The following RAB14 variants were observed in gnomAD, a reference collection of about 807,000 sequenced individuals.
RAB14 encodes RAB14, member RAS oncogene family.
RAB14 carries 3 observed loss-of-function variants against 31.1 expected under a neutral mutation model. That is an observed-to-expected ratio of 0.10 (90% CI 0.04 to 0.25). RAB14 has a LOEUF of 0.25. Ranked by LOEUF, RAB14 falls within the 10% of genes least tolerant of loss-of-function variation. The pLI is 1.00. For missense variants in RAB14, 111 were observed against 260.1 expected (o/e 0.43, Z 3.94); for synonymous variants, 85 against 84.9 (o/e 1.00, Z 0.00).
At chr9:121,185,700 C>T (rs558700713) in intron 5 of RAB14, among the ~76,000 whole-genome samples, 27 of 152,176 alleles carry the variant, frequency 1.8e-4, no homozygotes, top group South Asian at 4.2e-4. Flanking sequence ...GTATGATGCC[C>T]TTGAGAACCA....
chr9:121,200,343 C>T (rs1314905655), intron 1 of RAB14, among the ~76,000 whole-genome samples: 1 of 152,192 alleles, frequency 6.6e-6, no homozygotes, highest in Non-Finnish European at 1.5e-5. Context: ...TGTTCCTCTA[C>T]AATATTTACC....
chr9:121,184,163 C>A (rs2053647805), intron 5 of RAB14, among the ~76,000 whole-genome samples: 1 of 152,130 alleles, frequency 6.6e-6, no homozygotes, highest in Non-Finnish European at 1.5e-5. Flanking sequence ...CCCACACTAT[C>A]CCTAGAAAGG....
At position 121,190,470 on chromosome 9, in the gene RAB14, T is replaced by C. The variant is rs918810957; in HGVS notation, c.284+84A>G. 100 of 1,278,106 alleles carry C rather than the reference T, an allele frequency of 7.8e-5. 1 individual carries two copies. The highest frequency in any genetic ancestry group is 5.6e-4 in the South Asian group (33 of 59,210). 79.2% of individuals were successfully genotyped at this position (1,278,106 alleles called of 1,614,324 possible). On this transcript the variant is annotated intron_variant, in intron 4 of 7. Transcript: ENST00000373840. ...CATTCACAGTCATACAATTACAAAC[T>C]AAAAAAAATGCCTATCAATTTTTTT...
chr9:121,196,698 T>C (rs1215275795), intron 1 of RAB14, among the ~76,000 whole-genome samples: 1 of 152,170 alleles, frequency 6.6e-6, no homozygotes, highest in African/African-American at 2.4e-5. Context: ...CAGTATTCAC[T>C]CGCTTAATTA....
chr9:121,181,474 T>C lies in RAB14; in HGVS notation c.570A>G (p.Val190=), dbSNP rs1403408627. 5.0e-6 allele frequency: 8 copies of C among 1,613,502 alleles called. No individual in the cohort carries two copies. The African/African-American group carries it at 9.3e-5, about 19-fold the overall frequency. The change falls in exon 8 of 8, where the codon GTA becomes GTG. Residue 190 remains valine (V), a synonymous_variant. Coordinates refer to ENST00000373840, the MANE Select transcript of RAB14 (RefSeq NM_016322.4). ...CCTGCGGGGCTGAAGGTTTGTGTTG[T>C]ACACCAGACTCAGCAGCATTCAGAT... ...SLDLNAAESG[V]QHKPSAPQGG...
intron 3 of RAB14, 32 bp downstream of exon 3, chr9:121,192,138 AC>A (rs747520469): frequency 7.0e-7 from 1 of 1,432,468 alleles, no homozygotes; most frequent in Non-Finnish European, 9.5e-7. Context: ...GATAAAGAAA[AC>A]TATTAATGTT....
At chr9:121,194,096 A>ACT (rs1201638135) in intron 1 of RAB14, among the ~76,000 whole-genome samples, 1 of 59,260 alleles carries the variant, frequency 1.7e-5, no homozygotes, top group African/African-American at 3.4e-5. Context: ...ATTATCACTC[A>ACT]CACACACACA....
intron 5 of RAB14, among the ~76,000 whole-genome samples, chr9:121,183,871 T>C (rs1290735860): frequency 6.6e-6 from 1 of 152,292 alleles, no homozygotes; most frequent in South Asian, 2.1e-4. Flanking sequence ...ATGGACAAGC[T>C]CCAGGGGATC....
chr9:121,187,094 T>C, intron 4 of RAB14, 75 bp from the exon 5 acceptor site: 2 of 841,894 alleles, frequency 2.4e-6, no homozygotes, highest in East Asian at 6.1e-5. Context: ...AAAATACATA[T>C]TTAATCAACA....
In RAB14 at chr9:121,179,649, T is replaced by A. The variant is rs1564317537; in HGVS notation, c.*1747A>T. 2.0e-5 allele frequency: 3 copies of A among 152,646 alleles called. No homozygotes were observed. Among genetic ancestry groups the A allele is most frequent in the South Asian group, 2.1e-4 (1 of 4,824 alleles). 9.5% of individuals were successfully genotyped at this position (152,646 alleles called of 1,614,324 possible). On this transcript the variant is annotated 3_prime_UTR_variant, in exon 8 of 8. Transcript: ENST00000373840. ...AATCTACTCCAGAAATCTTATTTTT[T>A]AAAAAGTTAAACAAAGACAAAAATA...
chr9:121,187,861 C>T (rs1439279219), intron 4 of RAB14, among the ~76,000 whole-genome samples: 1 of 151,958 alleles, frequency 6.6e-6, no homozygotes, highest in South Asian at 2.1e-4. Context: ...CTATCTTACT[C>T]GTTTAACATG....
chr9:121,190,749 A>G lies in RAB14; in HGVS notation c.107-18T>C. 1 of 1,609,864 alleles carries G rather than the reference A, an allele frequency of 6.2e-7. No individual in the cohort carries two copies. Among genetic ancestry groups the G allele is most frequent in the East Asian group, 2.2e-5 (1 of 44,846 alleles). On this transcript the variant is annotated intron_variant, in intron 3 of 7. Coordinates refer to ENST00000373840, the MANE Select transcript of RAB14 (RefSeq NM_016322.4). ...AGCCATAACTGTTAAGGAGGAAAAA[A>G]AGTAATAGCCCAATTTTCAGAAAAC...
At chr9:121,196,973 G>C (rs1045679703) in intron 1 of RAB14, among the ~76,000 whole-genome samples, 5 of 152,110 alleles carry the variant, frequency 3.3e-5, no homozygotes, top group African/African-American at 9.7e-5. Flanking sequence ...CTGAGGTTTG[G>C]AGAAATTCAC....
chr9:121,190,819 G>T, intron 3 of RAB14, 88 bp from the exon 4 acceptor site: 1 of 1,285,830 alleles, frequency 7.8e-7, no homozygotes, highest in Non-Finnish European at 1.1e-6. Flanking sequence ...ATAAGCAAAT[G>T]GCTTACTAAT....
chr9:121,194,214 T>C (rs111701599), intron 1 of RAB14, among the ~76,000 whole-genome samples: 12,260 of 151,826 alleles, frequency 0.081, 1,172 homozygotes, highest in African/African-American at 0.22. Context: ...AGTGCTAGGA[T>C]TACAGGCATG....
intron 1 of RAB14, among the ~76,000 whole-genome samples, chr9:121,195,097 A>G (rs1457971727): frequency 1.3e-5 from 2 of 152,080 alleles, no homozygotes; most frequent in Non-Finnish European, 1.5e-5. Context: ...GGAACTCAAA[A>G]CTTTTAAGAA....
intron 6 of RAB14, 63 bp downstream of exon 6, chr9:121,183,248 G>T: frequency 1.5e-6 from 2 of 1,346,436 alleles, no homozygotes; most frequent in Non-Finnish European, 2.1e-6. Context: ...CAACAAAACT[G>T]TCAAGCCCAC....
At position 121,182,980 on chromosome 9, in the gene RAB14, T is replaced by C; in HGVS notation, c.440-20A>G. ...ATAAGCCTAAAAATAAAATTCAGAC[T>C]ATAATTAGGACACTTCAAACTAACT... On this transcript the variant is annotated intron_variant, in intron 6 of 7. Coordinates refer to ENST00000373840, the MANE Select transcript of RAB14 (RefSeq NM_016322.4). 6.2e-7 allele frequency: 1 copy of C among 1,602,466 alleles called. No homozygotes were observed. The highest frequency in any genetic ancestry group is 8.5e-7 in the Non-Finnish European group (1 of 1,171,706).
intron 3 of RAB14, among the ~76,000 whole-genome samples, chr9:121,191,508 C>T (rs2053686546): frequency 6.6e-6 from 1 of 152,090 alleles, no homozygotes; most frequent in South Asian, 2.1e-4. Flanking sequence ...ACCTGGCTAA[C>T]ATATACTACT....
Sources: allele counts gnomAD v4.1 joint callset (sites outside exome capture counted in the v4.1 genomes callset), GRCh38; gene constraint gnomAD v4.1.1; transcripts MANE v1.5; gene names NCBI Gene and HGNC (gene_info 2026-07-23, HGNC 2026-07-21).